The following CSNK2A2IP variants were observed in gnomAD, a reference collection of about 807,000 sequenced individuals.
The protein encoded by CSNK2A2IP is casein kinase 2 subunit alpha' interacting protein, also known as casein kinase II subunit alpha'-interacting protein.
At chr3:88,351,190 T>C in the CSNK2A2IP span, among the ~76,000 whole-genome samples, 1 of 152,118 alleles carries the variant, frequency 6.6e-6, no homozygotes, top group Non-Finnish European at 1.5e-5. Context: ...TGAACATATA[T>C]AATAAATACA....
chr3:88,369,764 C>T, the CSNK2A2IP span, among the ~76,000 whole-genome samples: 5 of 151,620 alleles, frequency 3.3e-5, no homozygotes, highest in South Asian at 1.0e-3. Context: ...CATTCCCTGG[C>T]CACACACAGT....
At chr3:88,366,116 G>A in the CSNK2A2IP span, among the ~76,000 whole-genome samples, 2 of 152,072 alleles carry the variant, frequency 1.3e-5, no homozygotes. Flanking sequence ...ATTTTGTTTA[G>A]TGTGGTTTTC....
the CSNK2A2IP span, among the ~76,000 whole-genome samples, chr3:88,404,523 T>G: frequency 6.6e-6 from 1 of 152,134 alleles, no homozygotes; most frequent in African/African-American, 2.4e-5. Context: ...TAAACTTTAA[T>G]CTGTTTAACA....
chr3:88,372,594 A>T, the CSNK2A2IP span, among the ~76,000 whole-genome samples: 2 of 151,556 alleles, frequency 1.3e-5, no homozygotes, highest in South Asian at 4.1e-4. Context: ...CAAGCAAATG[A>T]TGAATAGCAA....
chr3:88,461,252 G>A, the CSNK2A2IP span, among the ~76,000 whole-genome samples: 1 of 151,856 alleles, frequency 6.6e-6, no homozygotes, highest in South Asian at 2.1e-4. Flanking sequence ...TTTTAAAAAT[G>A]TATAAAAAAT....
At chr3:88,389,523 C>T in the CSNK2A2IP span, among the ~76,000 whole-genome samples, 2 of 152,270 alleles carry the variant, frequency 1.3e-5, no homozygotes, top group East Asian at 1.9e-4. Flanking sequence ...GGCTTTTCTC[C>T]TTGTTGATAT....
At chr3:88,423,085 T>TA in the CSNK2A2IP span, among the ~76,000 whole-genome samples, 1 of 152,222 alleles carries the variant, frequency 6.6e-6, no homozygotes, top group Non-Finnish European at 1.5e-5. Context: ...GTGCTCAACT[T>TA]ACCGTGTCAC....
the CSNK2A2IP span, among the ~76,000 whole-genome samples, chr3:88,393,382 T>C: frequency 6.6e-6 from 1 of 152,266 alleles, no homozygotes; most frequent in African/African-American, 2.4e-5. Flanking sequence ...TTGGCATGTG[T>C]GCATGGGAAA....
At chr3:88,466,289 C>A in the CSNK2A2IP span, 2 of 1,231,732 alleles carry the variant, frequency 1.6e-6, no homozygotes, top group Non-Finnish European at 2.0e-6. Flanking sequence ...TTTGTCCACC[C>A]ATCTGAGAAT....
the CSNK2A2IP span, among the ~76,000 whole-genome samples, chr3:88,383,342 T>C: frequency 1.3e-5 from 2 of 152,246 alleles, no homozygotes; most frequent in Non-Finnish European, 2.9e-5. Flanking sequence ...TGTGAAATGT[T>C]AGGCAATTTT....
chr3:88,393,021 G>A, the CSNK2A2IP span, among the ~76,000 whole-genome samples: 1 of 152,134 alleles, frequency 6.6e-6, no homozygotes, highest in Admixed American at 6.5e-5. Context: ...AGGGATAAAA[G>A]GGATTTTGCC....
the CSNK2A2IP span, among the ~76,000 whole-genome samples, chr3:88,391,421 G>A: frequency 6.6e-6 from 1 of 152,094 alleles, no homozygotes; most frequent in African/African-American, 2.4e-5. Context: ...TTTATTCATA[G>A]ATATTACAAT....
At chr3:88,357,424 G>T in the CSNK2A2IP span, among the ~76,000 whole-genome samples, 3 of 151,966 alleles carry the variant, frequency 2.0e-5, no homozygotes, top group East Asian at 5.8e-4. Flanking sequence ...CATTAGTGTT[G>T]CTGGGTTCTA....
the CSNK2A2IP span, among the ~76,000 whole-genome samples, chr3:88,348,122 G>T: frequency 6.6e-6 from 1 of 151,930 alleles, no homozygotes; most frequent in African/African-American, 2.4e-5. Flanking sequence ...GATACAGACT[G>T]AGAGACATCT....
chr3:88,359,095 T>C, the CSNK2A2IP span, among the ~76,000 whole-genome samples: 3 of 151,766 alleles, frequency 2.0e-5, no homozygotes, highest in Admixed American at 1.3e-4. Flanking sequence ...TCATTACTTG[T>C]TATTAGTCTT....
chr3:88,371,759 A>G, the CSNK2A2IP span, among the ~76,000 whole-genome samples: 1 of 151,750 alleles, frequency 6.6e-6, no homozygotes. Context: ...ATTATAGTTA[A>G]AATGTTGAGA....
At chr3:88,404,738 T>C in the CSNK2A2IP span, among the ~76,000 whole-genome samples, 1 of 147,904 alleles carries the variant, frequency 6.8e-6, no homozygotes, top group African/African-American at 2.4e-5. Context: ...CTCTTCGAAC[T>C]TTTGTTCTAT....
the CSNK2A2IP span, among the ~76,000 whole-genome samples, chr3:88,389,291 G>A: frequency 6.6e-6 from 1 of 152,028 alleles, no homozygotes; most frequent in Non-Finnish European, 1.5e-5. Flanking sequence ...TTGGCTTGAT[G>A]AGGTATTACA....
the CSNK2A2IP span, among the ~76,000 whole-genome samples, chr3:88,413,373 C>T: frequency 6.6e-6 from 1 of 150,986 alleles, no homozygotes; most frequent in Non-Finnish European, 1.5e-5. Context: ...AAATGCTATA[C>T]ATAATTGAAT....
Sources: gnomAD v4.1 joint callset for allele counts (sites outside exome capture counted in the v4.1 genomes callset) on GRCh38, gnomAD v4.1.1 for gene constraint, MANE v1.5 for transcripts, NCBI Gene and HGNC (gene_info 2026-07-23, HGNC 2026-07-21) for gene names.